Variants in HMGCS1 observed in about 807,000 individuals in gnomAD.
HMGCS1 encodes the protein hydroxymethylglutaryl-CoA synthase, cytoplasmic.
A neutral mutation model predicts 52.3 loss-of-function variants in HMGCS1; 9 were observed. That is an observed-to-expected ratio of 0.17 (90% CI 0.10 to 0.30). HMGCS1 has a LOEUF of 0.30. HMGCS1 is among the 10% of genes least tolerant of loss of function. HMGCS1 has a pLI of 1.00. For missense variants in HMGCS1, 320 were observed against 620.9 expected (o/e 0.52, Z 5.15); for synonymous variants, 176 against 214.4 (o/e 0.82, Z 1.57).
intron 4 of HMGCS1, among the ~76,000 whole-genome samples, chr5:43,297,614 G>A (rs1754094319): frequency 6.6e-6 from 1 of 152,148 alleles, no homozygotes; most frequent in Non-Finnish European, 1.5e-5. Context: ...GTTGAGGGGG[G>A]CGGATCACCT....
At chr5:43,303,380 C>T in intron 2 of HMGCS1, among the ~76,000 whole-genome samples, 1 of 152,228 alleles carries the variant, frequency 6.6e-6, no homozygotes. Context: ...AGAGCTTGCT[C>T]ATGCTGTCAT....
intron 2 of HMGCS1, among the ~76,000 whole-genome samples, chr5:43,305,168 T>C (rs1352172452): frequency 6.6e-6 from 1 of 152,084 alleles, no homozygotes; most frequent in Non-Finnish European, 1.5e-5. Context: ...GTATTTTTAA[T>C]AGAGATGGGG....
At position 43,289,451 on chromosome 5, in the gene HMGCS1, G is replaced by A. The variant is rs1753637278; in HGVS notation, c.*1680C>T. 1 of 152,634 alleles carries A rather than the reference G, an allele frequency of 6.6e-6. No individual in the cohort carries two copies. The highest frequency in any genetic ancestry group is 2.4e-5 in the African/African-American group (1 of 41,446). The allele number at this position is 152,634 out of a possible 1,614,324, so 9.5% of individuals were successfully genotyped here. On this transcript the variant is annotated 3_prime_UTR_variant, in exon 11 of 11. Transcript: ENST00000325110. Reference sequence around the variant, plus strand: ...TTATTCACCTCACCGTTAATAAGGTGTATGATTAATGCTCTGTGCCAGTAT... The same window carrying A: ...TTATTCACCTCACCGTTAATAAGGTATATGATTAATGCTCTGTGCCAGTAT...
At position 43,291,230 on chromosome 5, in the gene HMGCS1, A is replaced by C; in HGVS notation, c.1474-10T>G. 1 of 1,558,436 alleles carries C rather than the reference A, an allele frequency of 6.4e-7. No individual in the cohort carries two copies. The highest frequency in any genetic ancestry group is 8.9e-7 in the Non-Finnish European group (1 of 1,129,288). ...CAGGGCTTGGAATATGCTAAAATGA[A>C]AGGAAAAAAGTTGATGGCTCTTATG... On this transcript the variant is annotated splice_polypyrimidine_tract_variant and intron_variant, in intron 10 of 10. Transcript: ENST00000325110.
chr5:43,290,598 T>C lies in HMGCS1; in HGVS notation c.*533A>G, dbSNP rs13659. On this transcript the variant is annotated 3_prime_UTR_variant, in exon 11 of 11. Coordinates refer to ENST00000325110, the MANE Select transcript of HMGCS1 (RefSeq NM_001098272.3). The stretch of plus-strand genomic sequence containing the variant: ...ATTTTAGAAAAAGGGCATGTTTGTT[T>C]TGCTATTTTCAAAGGGTTTGTGCGT... 6.6e-6 allele frequency: 1 copy of C among 152,012 alleles called. No individual in the cohort carries two copies. The highest frequency in any genetic ancestry group is 1.9e-4 in the East Asian group (1 of 5,194). The allele number at this position is 152,012 out of a possible 1,614,324, so 9.4% of individuals were successfully genotyped here.
chr5:43,292,379 C>A (rs374456367), intron 10 of HMGCS1, 95 bp downstream of exon 10: 2 of 382,230 alleles, frequency 5.2e-6, no homozygotes, highest in Non-Finnish European at 8.6e-6. Flanking sequence ...ACTCCCAGAG[C>A]CCTTACTCTT....
At chr5:43,311,029 AAG>A (rs1164664087) in intron 1 of HMGCS1, among the ~76,000 whole-genome samples, 1 of 152,232 alleles carries the variant, frequency 6.6e-6, no homozygotes, top group African/African-American at 2.4e-5. Context: ...TGAAGAGATT[AAG>A]AGTCTAGTTC....
chr5:43,295,663 C>T, intron 6 of HMGCS1, 89 bp downstream of exon 6: 1 of 926,086 alleles, frequency 1.1e-6, no homozygotes, highest in Non-Finnish European at 1.6e-6. Flanking sequence ...TTCTGACTCT[C>T]AATTTCTCAG....
At chr5:43,296,391 A>T (rs1230210446) in intron 5 of HMGCS1, among the ~76,000 whole-genome samples, 2 of 152,224 alleles carry the variant, frequency 1.3e-5, no homozygotes, top group Non-Finnish European at 2.9e-5. Context: ...AATGCTTCTT[A>T]TCCAGAGCGA....
intron 2 of HMGCS1, among the ~76,000 whole-genome samples, chr5:43,305,017 G>A (rs1438913157): frequency 5.9e-5 from 9 of 151,378 alleles, no homozygotes; most frequent in Admixed American, 5.3e-4. Context: ...ACGGAGTTTC[G>A]CTCTTGTTGC....
intron 1 of HMGCS1, among the ~76,000 whole-genome samples, chr5:43,311,122 C>A (rs1754841368): frequency 6.6e-6 from 1 of 152,136 alleles, no homozygotes. Context: ...GTCAGGAGTT[C>A]AAGACCAGTC....
At chr5:43,295,062 A>G (rs1314812782) in intron 6 of HMGCS1, among the ~76,000 whole-genome samples, 1 of 152,216 alleles carries the variant, frequency 6.6e-6, no homozygotes, top group East Asian at 1.9e-4. Flanking sequence ...AGTTTTCATA[A>G]TCAAGTTAAG....
chr5:43,291,987 C>CTTTTTT (rs537398917), intron 10 of HMGCS1, among the ~76,000 whole-genome samples: 123 of 83,118 alleles, frequency 1.5e-3, no homozygotes, highest in East Asian at 1.9e-3. Flanking sequence ...ACTGTATATT[C>CTTTTTT]TTTTTTTTTT....
chr5:43,308,716 CT>C (rs1754703194), intron 1 of HMGCS1, among the ~76,000 whole-genome samples: 1 of 152,164 alleles, frequency 6.6e-6, no homozygotes, highest in Non-Finnish European at 1.5e-5. Context: ...ATTTCCTCTG[CT>C]CTCTATTTAA....
At chr5:43,291,731 G>T (rs1462148889) in intron 10 of HMGCS1, among the ~76,000 whole-genome samples, 4 of 152,118 alleles carry the variant, frequency 2.6e-5, no homozygotes, top group African/African-American at 7.2e-5. Context: ...CTTCAAGGAG[G>T]TTGTTGTAAG....
At chr5:43,294,440 C>T (rs563192878) in intron 7 of HMGCS1, 2 of 505,656 alleles carry the variant, frequency 4.0e-6, no homozygotes, top group East Asian at 3.2e-5. Context: ...TATGGTTCAA[C>T]TGTAGGTCAA....
chr5:43,310,374 C>G (rs1168194497), intron 1 of HMGCS1, among the ~76,000 whole-genome samples: 1 of 152,180 alleles, frequency 6.6e-6, no homozygotes, highest in Non-Finnish European at 1.5e-5. Context: ...CATTCATACC[C>G]AAGTCTACAT....
In HMGCS1 at chr5:43,289,278, T is replaced by TGAATGGAATGAGTGAACGAACTG. The variant is rs1358760141; in HGVS notation, c.*1830_*1852dup. ...TTTCAAATGTTTGTGAAATGATAAA[T>TGAATGGAATGAGTGAACGAACTG]GAATGGAATGAGTGAACGAACTGAA... is the stretch of plus-strand genomic sequence containing the variant. On this transcript the variant is annotated 3_prime_UTR_variant, in exon 11 of 11. Coordinates refer to ENST00000325110, the MANE Select transcript of HMGCS1 (RefSeq NM_001098272.3). 6.6e-6 allele frequency: 1 copy of TGAATGGAATGAGTGAACGAACTG among 152,484 alleles called. No individual in the cohort carries two copies. Among genetic ancestry groups the TGAATGGAATGAGTGAACGAACTG allele is most frequent in the East Asian group, 1.9e-4 (1 of 5,204 alleles). The allele number at this position is 152,484 out of a possible 1,614,324, so 9.4% of individuals were successfully genotyped here.
At chr5:43,309,088 A>G (rs10512825) in intron 1 of HMGCS1, among the ~76,000 whole-genome samples, 1 of 151,652 alleles carries the variant, frequency 6.6e-6, no homozygotes, top group Non-Finnish European at 1.5e-5. Context: ...TTGAAAAACA[A>G]GATTCCTTCT....
Sources: gnomAD v4.1 joint callset for allele counts (sites outside exome capture counted in the v4.1 genomes callset) on GRCh38, gnomAD v4.1.1 for gene constraint, MANE v1.5 for transcripts, NCBI Gene and HGNC (gene_info 2026-07-23, HGNC 2026-07-21) for gene names.